TRPM5: variants seen among roughly 807,000 people sequenced by gnomAD.
TRPM5 encodes MLSN1 and TRP-related.
Under a neutral mutation model 124.9 loss-of-function variants are expected in TRPM5, and 121 were observed. The observed-to-expected ratio is 0.97, with a 90% CI of 0.84 to 1.13. The LOEUF is 1.13. Among genes scored for constraint, TRPM5 ranks in the 50% most tolerant of loss-of-function variants. The pLI, the probability that TRPM5 is intolerant of heterozygous loss-of-function variation, is 0.00. For synonymous variants in TRPM5, 781 were observed against 700.5 expected (o/e 1.11, Z -1.81); for missense variants, 1,643 against 1,589.1 (o/e 1.03, Z -0.58).
exon 3 of TRPM5, chr11:2,421,151 C>G: frequency 6.5e-7 from 1 of 1,542,386 alleles, no homozygotes; most frequent in Non-Finnish European, 8.7e-7. Flanking sequence ...GCCTGCCCGA[C>G]ATGCCTGGCC....
chr11:2,436,491 C>T, the TRPM5 span, among the ~76,000 whole-genome samples: 2 of 152,258 alleles, frequency 1.3e-5, no homozygotes, highest in Non-Finnish European at 2.9e-5. Context: ...GCCTGTCACA[C>T]GTCCCGGACA....
chr11:2,436,391 G>T, the TRPM5 span, among the ~76,000 whole-genome samples: 2 of 152,250 alleles, frequency 1.3e-5, no homozygotes, highest in African/African-American at 4.8e-5. Flanking sequence ...GGCCTGGAAG[G>T]ATGTAGGGAC....
At chr11:2,408,706 AGGAGGAG>A (rs1282620331) in intron 18 of TRPM5, among the ~76,000 whole-genome samples, 1 of 152,160 alleles carries the variant, frequency 6.6e-6, no homozygotes, top group Non-Finnish European at 1.5e-5. Context: ...CCTGCGGGGC[AGGAGGAG>A]GGAGGAGGGA....
upstream of TRPM5, among the ~76,000 whole-genome samples, chr11:2,428,013 A>G (rs1005237): frequency 0.99 from 150,357 of 152,302 alleles, 74,221 homozygotes; most frequent in Middle Eastern, 1. This position sits in a 1 kb window ranked among gnomAD's most constrained non-coding sequence, Gnocchi z 4.0. Flanking sequence ...GGTCAGCACC[A>G]GGGATGCTCT....
At chr11:2,417,138 C>T (rs766076642) in intron 7 of TRPM5, among the ~76,000 whole-genome samples, 3 of 152,124 alleles carry the variant, frequency 2.0e-5, no homozygotes, top group Non-Finnish European at 4.4e-5. Context: ...GATGGTCGCC[C>T]CACCTCACGA....
chr11:2,432,752 A>G, the TRPM5 span, among the ~76,000 whole-genome samples: 1 of 152,228 alleles, frequency 6.6e-6, no homozygotes, highest in African/African-American at 2.4e-5. Flanking sequence ...CAGGGTCCCC[A>G]TGCCAGTGTG....
intron 18 of TRPM5, among the ~76,000 whole-genome samples, chr11:2,408,657 C>G (rs1850375215): frequency 6.6e-6 from 1 of 152,212 alleles, no homozygotes; most frequent in Non-Finnish European, 1.5e-5. Context: ...CCTGCTTCTC[C>G]CTTGTAGGGC....
At chr11:2,425,319 C>T (rs896061751), upstream of TRPM5, among the ~76,000 whole-genome samples, 15 of 152,334 alleles carry the variant, frequency 9.8e-5, no homozygotes, top group Admixed American at 4.6e-4. Flanking sequence ...CCTTCCCACC[C>T]TTTCCAGGTT....
exon 24 of TRPM5, chr11:2,404,885 G>T (rs1300375760): frequency 7.3e-6 from 11 of 1,501,506 alleles, no homozygotes; most frequent in Non-Finnish European, 8.3e-6. Flanking sequence ...TGCACAACGT[G>T]CAGGGTGGCC....
chr11:2,420,667 G>C (rs960596403), intron 3 of TRPM5, among the ~76,000 whole-genome samples: 2 of 152,204 alleles, frequency 1.3e-5, no homozygotes. Flanking sequence ...CCAGGCTGCC[G>C]GGAGCACCTC....
At position 2,421,019 on chromosome 11, in the gene TRPM5, G is replaced by C; in HGVS notation, c.465+13C>G. The C allele has an allele frequency of 6.5e-7, 1 of 1,533,862 alleles. No individual in the cohort carries two copies. The highest frequency in any genetic ancestry group is 2.1e-4 in the Middle Eastern group (1 of 4,858). On this transcript the variant is annotated intron_variant, in intron 3 of 23. Coordinates refer to ENST00000155858, the Ensembl canonical transcript of TRPM5. ...GCCCCCAGCGGTCGTGGTGCTGGGA[G>C]CTGGACGTGCACCTGGGCCTCCTCC... is the stretch of plus-strand genomic sequence containing the variant.
chr11:2,424,872 C>A (rs542228881), upstream of TRPM5, among the ~76,000 whole-genome samples: 84 of 152,368 alleles, frequency 5.5e-4, no homozygotes, highest in African/African-American at 2.0e-3. Context: ...TGACTGCCAG[C>A]CCCAGGCAGG....
chr11:2,441,043 G>T, the TRPM5 span, among the ~76,000 whole-genome samples: 1 of 152,222 alleles, frequency 6.6e-6, no homozygotes, highest in Non-Finnish European at 1.5e-5. This position sits in a 1 kb window ranked among gnomAD's most constrained non-coding sequence, Gnocchi z 7.2. Context: ...GTTGGTGTGA[G>T]GTAGATTGAG....
exon 11 of TRPM5, chr11:2,414,810 G>T: frequency 6.3e-7 from 1 of 1,583,608 alleles, no homozygotes. Context: ...TTTGCAGGCG[G>T]CCAGTGCGGC....
intron 15 of TRPM5, 86 bp from the exon 21 acceptor site, chr11:2,412,339 G>C: frequency 1.0e-6 from 1 of 983,454 alleles, no homozygotes; most frequent in Non-Finnish European, 1.5e-6. Context: ...GGATCTGTAA[G>C]GATCAGGGTT....
chr11:2,418,348 C>A, exon 6 of TRPM5: 1 of 1,552,766 alleles, frequency 6.4e-7, no homozygotes, highest in East Asian at 2.4e-5. Flanking sequence ...CTCCACGGCC[C>A]TGGAGATCCT....
chr11:2,427,371 G>C (rs555068165), upstream of TRPM5, among the ~76,000 whole-genome samples: 1 of 152,348 alleles, frequency 6.6e-6, no homozygotes, highest in Non-Finnish European at 1.5e-5. Context: ...GCCAAGGCGC[G>C]GGTGGAGCCG....
intron 21 of TRPM5, 113 bp from the exon 27 acceptor site, chr11:2,406,204 C>T: frequency 9.0e-7 from 1 of 1,105,494 alleles, no homozygotes; most frequent in Non-Finnish European, 1.3e-6. Flanking sequence ...GTGCCCTGGC[C>T]CTTTCCCTTC....
intron 19 of TRPM5, 39 bp downstream of exon 24, chr11:2,407,720 G>T (rs375700845): frequency 2.5e-6 from 4 of 1,606,948 alleles, no homozygotes; most frequent in Non-Finnish European, 3.4e-6. Context: ...TGCTCCCTCC[G>T]CTCCAGGGCT....
Sources: gnomAD v4.1 joint callset for allele counts (sites outside exome capture counted in the v4.1 genomes callset) on GRCh38, gnomAD v4.1.1 for gene constraint, Gnocchi (gnomAD v3.1) non-coding constraint, MANE v1.5 for transcripts, NCBI Gene and HGNC (gene_info 2026-07-23, HGNC 2026-07-21) for gene names.